The following SCRN1 variants were observed in gnomAD, a reference collection of about 807,000 sequenced individuals.
SCRN1 encodes secernin 1.
Under a neutral mutation model 43.3 loss-of-function variants are expected in SCRN1, and 19 were observed. The ratio of observed to expected loss-of-function variants is 0.44; its 90% confidence interval spans 0.31 to 0.64. The LOEUF (loss-of-function observed/expected upper bound fraction) is 0.64. Among genes scored for constraint, SCRN1 ranks in the 30% least tolerant of loss-of-function variants. SCRN1 has a pLI of 0.09. For synonymous variants in SCRN1, 183 were observed against 188.9 expected, an observed-to-expected ratio of 0.97 and a Z score of 0.26; for missense variants, 447 against 524.1, an observed-to-expected ratio of 0.85 and a Z score of 1.44.
At chr7:29,942,994 G>A (rs775972947) in intron 4 of SCRN1, among the ~76,000 whole-genome samples, 9 of 152,050 alleles carry the variant, frequency 5.9e-5, no homozygotes, top group African/African-American at 9.7e-5. Context: ...CTTCTAACTC[G>A]GGTCAAATTT....
At chr7:29,947,318 AT>A in intron 3 of SCRN1, 2 of 1,550,740 alleles carry the variant, frequency 1.3e-6, no homozygotes, top group African/African-American at 1.4e-5. Context: ...AAGTTAACAC[AT>A]CTCACTGAGA....
intron 3 of SCRN1, 137 bp from the exon 4 acceptor site, chr7:29,944,316 G>A (rs1396827153): frequency 1.3e-5 from 9 of 708,480 alleles, no homozygotes; most frequent in Non-Finnish European, 2.4e-6. Context: ...AGAACAATAA[G>A]CAAACTGATT....
At chr7:29,968,758 A>G (rs1788575061) in intron 2 of SCRN1, 151 bp downstream of exon 2, 1 of 919,206 alleles carries the variant, frequency 1.1e-6, no homozygotes. Flanking sequence ...TTTCAAGGCT[A>G]TGAGCAAACC....
At chr7:29,944,697 G>T (rs1011024807) in intron 3 of SCRN1, among the ~76,000 whole-genome samples, 32 of 149,450 alleles carry the variant, frequency 2.1e-4, no homozygotes, top group African/African-American at 7.4e-4. Flanking sequence ...AAGAAAGAAA[G>T]AAAAAATCAT....
intron 3 of SCRN1, chr7:29,947,317 C>T (rs1787767254): frequency 6.4e-7 from 1 of 1,550,634 alleles, no homozygotes; most frequent in South Asian, 1.2e-5. Context: ...AAAGTTAACA[C>T]ATCTCACTGA....
At chr7:29,936,909 G>A (rs544357259) in intron 5 of SCRN1, among the ~76,000 whole-genome samples, 188 bp from the exon 6 acceptor site, 1 of 152,296 alleles carries the variant, frequency 6.6e-6, no homozygotes, top group South Asian at 2.1e-4. Context: ...AGCCAGGGGT[G>A]GTGGCAGGCG....
At chr7:29,961,080 TA>T (rs1199539847) in intron 2 of SCRN1, among the ~76,000 whole-genome samples, 5 of 149,724 alleles carry the variant, frequency 3.3e-5, no homozygotes, top group East Asian at 1.9e-4. Flanking sequence ...TTTTTTAATT[TA>T]TTTTTTTATT....
chr7:29,981,181 AT>A (rs1788982163), intron 1 of SCRN1, among the ~76,000 whole-genome samples: 1 of 151,722 alleles, frequency 6.6e-6, no homozygotes, highest in African/African-American at 2.4e-5. Flanking sequence ...GCTAAGTGCA[AT>A]AAAAAAAAAA....
intron 1 of SCRN1, among the ~76,000 whole-genome samples, chr7:29,983,712 G>C (rs926560408): frequency 2.6e-5 from 4 of 152,194 alleles, no homozygotes; most frequent in African/African-American, 9.7e-5. Flanking sequence ...GGAAATACTA[G>C]ACTTGCATGG....
At chr7:29,958,370 A>C (rs1788204568) in intron 2 of SCRN1, among the ~76,000 whole-genome samples, 1 of 152,208 alleles carries the variant, frequency 6.6e-6, no homozygotes, top group African/African-American at 2.4e-5. Context: ...CACAAAATTT[A>C]ATTAGCTCAA....
At chr7:29,946,142 A>C (rs1787732020) in intron 3 of SCRN1, among the ~76,000 whole-genome samples, 1 of 152,230 alleles carries the variant, frequency 6.6e-6, no homozygotes, top group South Asian at 2.1e-4. Flanking sequence ...ACTCGGTTAC[A>C]AGGCAGTGAT....
chr7:29,925,160 C>T (rs1786899344), intron 7 of SCRN1, among the ~76,000 whole-genome samples: 1 of 152,110 alleles, frequency 6.6e-6, no homozygotes, highest in Non-Finnish European at 1.5e-5. Context: ...TGGCAGCATG[C>T]ATGCTTCCGA....
At chr7:29,976,117 C>G (rs1240532685) in intron 1 of SCRN1, among the ~76,000 whole-genome samples, 1 of 152,114 alleles carries the variant, frequency 6.6e-6, no homozygotes, top group South Asian at 2.1e-4. Flanking sequence ...CCTTGTCCCC[C>G]CTCCAATCAG....
intron 2 of SCRN1, among the ~76,000 whole-genome samples, chr7:29,966,121 C>G (rs77616538): frequency 1.7e-4 from 22 of 127,092 alleles, no homozygotes; most frequent in South Asian, 2.6e-4. Context: ...CAGAGACACA[C>G]AGAGAGAGAG....
intron 6 of SCRN1, among the ~76,000 whole-genome samples, chr7:29,932,587 G>A (rs976075727): frequency 1.4e-5 from 2 of 146,778 alleles, no homozygotes; most frequent in Non-Finnish European, 3.0e-5. Flanking sequence ...AGGAGGTGGA[G>A]GTTGCAGTGA....
chr7:29,927,967 A>G (rs1787024897), intron 6 of SCRN1, among the ~76,000 whole-genome samples: 1 of 152,120 alleles, frequency 6.6e-6, no homozygotes, highest in Non-Finnish European at 1.5e-5. Context: ...CTAAAAATAA[A>G]AAAAAATTAG....
intron 1 of SCRN1, among the ~76,000 whole-genome samples, chr7:29,989,375 G>A (rs962556834): frequency 1.3e-5 from 2 of 152,118 alleles, no homozygotes; most frequent in African/African-American, 4.8e-5. Context: ...TGCGGTGCGG[G>A]AGCCCGGGGC....
Position 29,923,213 on chromosome 7 carries a change from A to G in SCRN1, c.*744T>C, listed in dbSNP as rs1167197010. On this transcript the variant is annotated 3_prime_UTR_variant, in exon 8 of 8. Transcript: ENST00000242059. ...CCATGCAGTGATTCAGAAGGCCACC[A>G]GCATGGCTATGTCTGAATCTCGGAA... The G allele has an allele frequency of 6.6e-6, 1 of 152,290 alleles. No individual in the cohort carries two copies. The highest frequency in any genetic ancestry group is 1.5e-5 in the Non-Finnish European group (1 of 68,060). The allele number at this position is 152,290 out of a possible 1,614,324, so 9.4% of individuals were successfully genotyped here.
At chr7:29,957,594 A>G (rs952720107) in intron 2 of SCRN1, among the ~76,000 whole-genome samples, 7 of 152,246 alleles carry the variant, frequency 4.6e-5, no homozygotes, top group Admixed American at 1.3e-4. Flanking sequence ...AGTCTGGTAT[A>G]TATCAGGCAT....
Sources: gnomAD v4.1 joint callset for allele counts (sites outside exome capture counted in the v4.1 genomes callset) on GRCh38, gnomAD v4.1.1 for gene constraint, MANE v1.5 for transcripts, NCBI Gene and HGNC (gene_info 2026-07-23, HGNC 2026-07-21) for gene names.